The following ZNF341 variants were observed in gnomAD, a reference collection of about 807,000 sequenced individuals.
ZNF341 encodes the protein zinc finger protein 341.
A neutral mutation model predicts 87.7 loss-of-function variants in ZNF341; 52 were observed. That is an observed-to-expected ratio of 0.59 (90% CI 0.47 to 0.75). ZNF341 has a LOEUF of 0.75. ZNF341 is among the 30% of genes least tolerant of loss of function. The probability of loss-of-function intolerance (pLI) is 0.00; values close to 1 mark genes in which losing one functional copy is unlikely to be tolerated. For synonymous variants in ZNF341, 459 were observed against 472.7 expected (o/e 0.97, Z 0.38); for missense variants, 977 against 1,145.9 (o/e 0.85, Z 2.13).
At position 33,762,030 on chromosome 20, in the gene ZNF341, C is replaced by T. The variant is rs757168357; in HGVS notation, c.1197C>T (p.Ser399=). Residue 399 remains serine (S), a synonymous_variant, in exon 8 of 15, where the codon AGC becomes AGT. Transcript: ENST00000375200. ...TACAGGTCATGGCCCTGAACCCCAGCAGGCAGGAGGACGAGGAAAGCACAG... is the reference window on the plus strand; with the variant it reads ...TACAGGTCATGGCCCTGAACCCCAGTAGGCAGGAGGACGAGGAAAGCACAG... The part of the protein sequence containing the change: ...VTVQVMALNP[S]RQEDEESTGL... 2.5e-6 allele frequency: 4 copies of T among 1,569,938 alleles called. No individual in the cohort carries two copies. The highest frequency in any genetic ancestry group is 1.1e-5 in the South Asian group (1 of 87,444).
At chr20:33,773,421 C>T (rs2019566789) in intron 10 of ZNF341, among the ~76,000 whole-genome samples, 1 of 152,152 alleles carries the variant, frequency 6.6e-6, no homozygotes, top group Admixed American at 6.6e-5. Flanking sequence ...ATGAGCCAGG[C>T]CCCCATTTGG....
intron 12 of ZNF341, among the ~76,000 whole-genome samples, chr20:33,785,618 C>T (rs2019838387): frequency 6.6e-6 from 1 of 152,032 alleles, no homozygotes; most frequent in African/African-American, 2.4e-5. Flanking sequence ...ATTACAGATG[C>T]AAGCCACCAC....
At chr20:33,737,390 C>T (rs2018712837) in intron 1 of ZNF341, among the ~76,000 whole-genome samples, 3 of 152,234 alleles carry the variant, frequency 2.0e-5, no homozygotes, top group East Asian at 1.9e-4. Context: ...GGCGTGATCT[C>T]ACCTCACTGC....
At position 33,732,117 on chromosome 20, in the gene ZNF341, G is replaced by C. The variant is rs1185025959; in HGVS notation, c.31+65G>C. The stretch of plus-strand genomic sequence containing the variant: ...CTGCGCCCCCTCCCGCCGCGCCCTC[G>C]CAGCGCCCGGCCTAGGGCGCGCAGC... On this transcript the variant is annotated intron_variant, in intron 1 of 14. Coordinates refer to ENST00000375200, the MANE Select transcript of ZNF341 (RefSeq NM_001282933.2). This position sits in a 1 kb window ranked among gnomAD's most constrained non-coding sequence, Gnocchi z 4.5. 21 of 1,102,694 alleles carry C rather than the reference G, an allele frequency of 1.9e-5. No individual in the cohort carries two copies. In the African/African-American group the frequency reaches 2.4e-4, roughly 12 times the overall value. 68.3% of individuals were successfully genotyped at this position (1,102,694 alleles called of 1,614,324 possible). A position where few individuals can be genotyped will look rare whatever the true frequency, so the allele number is the denominator to read the frequency against.
At chr20:33,754,466 A>T (rs1480723260) in intron 5 of ZNF341, among the ~76,000 whole-genome samples, 1 of 152,194 alleles carries the variant, frequency 6.6e-6, no homozygotes, top group Non-Finnish European at 1.5e-5. Context: ...TCTTTATGTA[A>T]AGAGAGCCCA....
intron 5 of ZNF341, among the ~76,000 whole-genome samples, chr20:33,755,603 T>C (rs552720643): frequency 1.2e-4 from 18 of 148,862 alleles, no homozygotes; most frequent in Non-Finnish European, 2.4e-4. Context: ...TTTTTTTTTT[T>C]TTTTTTTGAG....
intron 11 of ZNF341, 125 bp from the exon 12 acceptor site, chr20:33,783,607 G>T (rs2019786310): frequency 1.1e-5 from 15 of 1,356,930 alleles, no homozygotes; most frequent in Non-Finnish European, 1.5e-5. Flanking sequence ...CTGGGTCCTG[G>T]CCCCTGATAG....
chr20:33,750,948 A>T (rs1326611978), intron 4 of ZNF341, among the ~76,000 whole-genome samples: 3 of 150,466 alleles, frequency 2.0e-5, no homozygotes, highest in African/African-American at 7.3e-5. Flanking sequence ...GCCTAAAAAA[A>T]TTTTTTTTTA....
intron 1 of ZNF341, among the ~76,000 whole-genome samples, chr20:33,737,528 A>G (rs984941871): frequency 6.6e-6 from 1 of 152,102 alleles, no homozygotes; most frequent in Non-Finnish European, 1.5e-5. Context: ...TTACCGTATT[A>G]GCCAGGATGG....
In ZNF341 at chr20:33,791,313, T is replaced by C; in HGVS notation, c.2361T>C (p.Ala787=). 1.9e-6 allele frequency: 3 copies of C among 1,611,666 alleles called. No individual in the cohort carries two copies. Among genetic ancestry groups the C allele is most frequent in the African/African-American group, 2.7e-5 (2 of 75,044 alleles). ...KDTGAGLVPE[A]VPGKPPFAEP... is the part of the protein sequence containing the mutation. ...CAGGGGCTGGGCTGGTGCCCGAGGC[T>C]GTCCCCGGCAAGCCGCCCTTCGCAG... Residue 787 remains alanine (A), a synonymous_variant, in exon 15 of 15, where the codon GCT becomes GCC. Coordinates refer to ENST00000375200, the MANE Select transcript of ZNF341 (RefSeq NM_001282933.2).
At position 33,781,775 on chromosome 20, in the gene ZNF341, G is replaced by A. The variant is rs559057244; in HGVS notation, c.1719+388G>A. On this transcript the variant is annotated intron_variant, in intron 11 of 14. Transcript: ENST00000375200. ...TGCAGTGGTTTGATCATGGCTCACC[G>A]CAGCCTCAACCTCCTGGGCTCAGCC... 6.0e-5 allele frequency among the ~76,000 whole-genome samples: 9 copies of A among 150,588 alleles called. No individual in the cohort carries two copies. In the East Asian group the frequency reaches 9.8e-4, roughly 16 times the overall value.
At chr20:33,749,129 T>G in intron 4 of ZNF341, 57 bp downstream of exon 4, 3 of 1,560,592 alleles carry the variant, frequency 1.9e-6, no homozygotes, top group Non-Finnish European at 2.6e-6. Flanking sequence ...CATTAACTCC[T>G]GCAGATTCAG....
intron 2 of ZNF341, among the ~76,000 whole-genome samples, chr20:33,743,148 C>T (rs1383641887): frequency 6.6e-6 from 1 of 150,942 alleles, no homozygotes; most frequent in Non-Finnish European, 1.5e-5. Context: ...TCTCCTGCTT[C>T]AGCCTCCTGA....
chr20:33,762,188 G>A (rs1243072202), intron 8 of ZNF341, 133 bp downstream of exon 8: 1 of 733,674 alleles, frequency 1.4e-6, no homozygotes, highest in African/African-American at 1.8e-5. Context: ...TCTATAAAAT[G>A]TGGCATAAGA....
chr20:33,742,396 C>T (rs1371154712), intron 2 of ZNF341, among the ~76,000 whole-genome samples: 2 of 152,202 alleles, frequency 1.3e-5, no homozygotes, highest in South Asian at 2.1e-4. Context: ...GGGGTTTCAC[C>T]ACGTTGGTCA....
intron 6 of ZNF341, among the ~76,000 whole-genome samples, chr20:33,757,546 T>G (rs1256437961): frequency 6.6e-6 from 1 of 152,252 alleles, no homozygotes; most frequent in Non-Finnish European, 1.5e-5. Context: ...GGGGATCATG[T>G]GACTGCATGG....
At chr20:33,784,047 C>T in intron 12 of ZNF341, among the ~76,000 whole-genome samples, 183 bp downstream of exon 12, 1 of 135,510 alleles carries the variant, frequency 7.4e-6, no homozygotes, top group Admixed American at 7.3e-5. Context: ...TCTCTCTCAG[C>T]CCCCGTCTCC....
At chr20:33,779,731 A>G (rs1307753154) in intron 10 of ZNF341, among the ~76,000 whole-genome samples, 1 of 152,162 alleles carries the variant, frequency 6.6e-6, no homozygotes, top group Non-Finnish European at 1.5e-5. Context: ...GATTACAGGC[A>G]TGAGGCACTG....
intron 10 of ZNF341, among the ~76,000 whole-genome samples, chr20:33,771,937 C>T (rs138362688): frequency 2.8e-5 from 4 of 143,872 alleles, no homozygotes; most frequent in Non-Finnish European, 6.0e-5. Context: ...ATTGCTTGAG[C>T]CCAGGAGGTT....
Sources: allele counts gnomAD v4.1 joint callset (sites outside exome capture counted in the v4.1 genomes callset), GRCh38; gene constraint gnomAD v4.1.1; non-coding constraint Gnocchi (gnomAD v3.1); transcripts MANE v1.5; gene names NCBI Gene and HGNC (gene_info 2026-07-23, HGNC 2026-07-21).